The following TMEM132D variants were observed in gnomAD, a reference collection of about 807,000 sequenced individuals.
TMEM132D encodes mature OL transmembrane protein.
In TMEM132D, 21 loss-of-function variants were observed where a neutral mutation model predicts 62.3. The ratio of observed to expected loss-of-function variants is 0.34; its 90% confidence interval spans 0.24 to 0.49. The LOEUF is 0.49. TMEM132D is among the 20% of genes least tolerant of loss of function. TMEM132D has a pLI of 0.99. For synonymous variants in TMEM132D, 621 were observed against 575.6 expected (o/e 1.08, Z -1.13); for missense variants, 1,346 against 1,402.8 (o/e 0.96, Z 0.65).
At chr12:129,387,727 A>G (rs1005673984) in intron 3 of TMEM132D, among the ~76,000 whole-genome samples, 1 of 152,186 alleles carries the variant, frequency 6.6e-6, no homozygotes, top group African/African-American at 2.4e-5. Context: ...ATTAACACCA[A>G]CACGAATCCT....
rs150134237 is a variant in TMEM132D at position 129,732,385 on chromosome 12, C to T, written c.80-31687G>A. ...ACCAGAATGACTGAAATAGTTTAAA[C>T]ATTTGTCCCCACCCAAACCTCACGT... is the stretch of plus-strand genomic sequence containing the variant. On this transcript the variant is annotated intron_variant, in intron 1 of 8. Coordinates refer to ENST00000422113, the MANE Select transcript of TMEM132D (RefSeq NM_133448.3). Among the ~76,000 whole-genome samples, 1,065 of 152,268 alleles carry T rather than the reference C, an allele frequency of 7.0e-3. 11 individuals are homozygous for T. Among genetic ancestry groups the T allele is most frequent in the African/African-American group, 0.025 (1,030 of 41,546 alleles).
At chr12:129,833,790 G>A (rs1872916268) in intron 1 of TMEM132D, among the ~76,000 whole-genome samples, 1 of 152,206 alleles carries the variant, frequency 6.6e-6, no homozygotes, top group South Asian at 2.1e-4. Flanking sequence ...CCATGGGCAA[G>A]GCATTTAACA....
At chr12:129,200,056 T>C (rs1013980831) in intron 5 of TMEM132D, among the ~76,000 whole-genome samples, 6 of 152,268 alleles carry the variant, frequency 3.9e-5, no homozygotes, top group African/African-American at 1.4e-4. Flanking sequence ...CAGGTGAGTA[T>C]GCAAAGTTTA....
At chr12:129,748,420 C>T (rs1422803211) in intron 1 of TMEM132D, among the ~76,000 whole-genome samples, 1 of 152,018 alleles carries the variant, frequency 6.6e-6, no homozygotes, top group African/African-American at 2.4e-5. Context: ...ACACACCAGA[C>T]AGGGAGGATG....
At chr12:129,120,671 A>G (rs534093761) in intron 5 of TMEM132D, among the ~76,000 whole-genome samples, 5 of 152,348 alleles carry the variant, frequency 3.3e-5, no homozygotes, top group African/African-American at 1.2e-4. Flanking sequence ...AGTTAATAGT[A>G]TAGATAGATA....
chr12:129,116,173 G>T (rs367640962), intron 5 of TMEM132D, among the ~76,000 whole-genome samples: 3 of 152,208 alleles, frequency 2.0e-5, no homozygotes, highest in African/African-American at 7.2e-5. Flanking sequence ...TTCACCTGGG[G>T]AGTCCAAGGT....
chr12:129,709,986 C>T (rs1475337944), intron 1 of TMEM132D, among the ~76,000 whole-genome samples: 3 of 152,140 alleles, frequency 2.0e-5, no homozygotes, highest in Admixed American at 6.5e-5. Context: ...AAGACATGAA[C>T]ATTTATGACC....
At chr12:129,292,461 T>A (rs1388685371) in intron 4 of TMEM132D, among the ~76,000 whole-genome samples, 1 of 152,134 alleles carries the variant, frequency 6.6e-6, no homozygotes, top group Non-Finnish European at 1.5e-5. Context: ...ATGAGATTGA[T>A]CCATCCTTTA....
At chr12:129,130,372 T>C (rs980603820) in intron 5 of TMEM132D, among the ~76,000 whole-genome samples, 2 of 151,984 alleles carry the variant, frequency 1.3e-5, no homozygotes, top group Non-Finnish European at 2.9e-5. Context: ...GAATCCTTGC[T>C]CCTGGTGACT....
At chr12:129,257,441 C>T (rs1469937502) in intron 4 of TMEM132D, among the ~76,000 whole-genome samples, 1 of 151,824 alleles carries the variant, frequency 6.6e-6, no homozygotes, top group Non-Finnish European at 1.5e-5. Flanking sequence ...AATCTCCTGA[C>T]CTCGTGATCT....
intron 3 of TMEM132D, among the ~76,000 whole-genome samples, chr12:129,445,514 G>C (rs1334673418): frequency 6.6e-6 from 1 of 152,154 alleles, no homozygotes; most frequent in Admixed American, 6.5e-5. Flanking sequence ...TCTGGGGACT[G>C]TCTTTTCACT....
At chr12:129,829,097 T>C (rs1180996372) in intron 1 of TMEM132D, among the ~76,000 whole-genome samples, 2 of 152,066 alleles carry the variant, frequency 1.3e-5, no homozygotes, top group African/African-American at 2.4e-5. Context: ...AGCCCAAAGA[T>C]GGCTAAGGCT....
intron 5 of TMEM132D, among the ~76,000 whole-genome samples, chr12:129,139,832 T>C (rs527328846): frequency 6.6e-6 from 1 of 152,096 alleles, no homozygotes; most frequent in East Asian, 1.9e-4. Context: ...CACCACAGAC[T>C]CCTGAGTAGC....
intron 2 of TMEM132D, among the ~76,000 whole-genome samples, chr12:129,578,220 C>T (rs550877427): frequency 1.5e-4 from 23 of 152,226 alleles, no homozygotes; most frequent in Middle Eastern, 6.8e-3. Context: ...GCCCTCTTAG[C>T]TCTCAGGCCT....
chr12:129,357,774 C>T (rs936264861), intron 3 of TMEM132D, among the ~76,000 whole-genome samples: 2 of 152,132 alleles, frequency 1.3e-5, no homozygotes, highest in Non-Finnish European at 1.5e-5. Flanking sequence ...TTCCAGACTG[C>T]GTCAATCTTC....
At chr12:129,274,326 T>C (rs1880943069) in intron 4 of TMEM132D, among the ~76,000 whole-genome samples, 1 of 149,292 alleles carries the variant, frequency 6.7e-6, no homozygotes, top group South Asian at 2.1e-4. Flanking sequence ...GCAAATAGAA[T>C]TAGAAGCAAC....
intron 2 of TMEM132D, among the ~76,000 whole-genome samples, chr12:129,534,011 A>G (rs566822586): frequency 1.3e-5 from 2 of 152,356 alleles, no homozygotes; most frequent in South Asian, 4.1e-4. Flanking sequence ...TTGAAGCACG[A>G]ATCTCAGAGC....
At chr12:129,515,274 C>T (rs554269321) in intron 3 of TMEM132D, among the ~76,000 whole-genome samples, 7 of 152,124 alleles carry the variant, frequency 4.6e-5, no homozygotes, top group Admixed American at 1.3e-4. Flanking sequence ...CAGCTCTGCA[C>T]GGTTTTTTGA....
intron 1 of TMEM132D, among the ~76,000 whole-genome samples, chr12:129,751,772 A>G (rs1870008572): frequency 6.6e-6 from 1 of 152,182 alleles, no homozygotes; most frequent in Non-Finnish European, 1.5e-5. Context: ...ACTTCGCTAC[A>G]AACACCAGGA....
Sources: allele counts gnomAD v4.1 joint callset (sites outside exome capture counted in the v4.1 genomes callset), GRCh38; gene constraint gnomAD v4.1.1; transcripts MANE v1.5; gene names NCBI Gene and HGNC (gene_info 2026-07-23, HGNC 2026-07-21).